The following PCDH7 variants were observed in gnomAD, a reference collection of about 807,000 sequenced individuals.
PCDH7 encodes the protein protocadherin 7.
Under a neutral mutation model 58.9 loss-of-function variants are expected in PCDH7, and 17 were observed. The observed-to-expected ratio is 0.29, with a 90% CI of 0.20 to 0.43. The LOEUF (loss-of-function observed/expected upper bound fraction) is 0.43. Ranked by LOEUF, PCDH7 falls within the 20% of genes least tolerant of loss-of-function variation. The pLI is 1.00. For synonymous variants in PCDH7, 664 were observed against 616.4 expected (o/e 1.08, Z -1.14); for missense variants, 1,274 against 1,441.0 (o/e 0.88, Z 1.88).
intron 3 of PCDH7, among the ~76,000 whole-genome samples, chr4:30,978,085 T>C (rs1338941308): frequency 6.6e-6 from 1 of 152,218 alleles, no homozygotes; most frequent in Non-Finnish European, 1.5e-5. Flanking sequence ...GTGAACTAAA[T>C]ATTATATGTA....
At chr4:31,042,199 T>G (rs1028272825) in intron 3 of PCDH7, among the ~76,000 whole-genome samples, 5 of 152,178 alleles carry the variant, frequency 3.3e-5, no homozygotes, top group African/African-American at 1.2e-4. Context: ...TTTGATTGAT[T>G]GTCATTTTCT....
At chr4:30,986,868 C>A (rs1751015279) in intron 3 of PCDH7, among the ~76,000 whole-genome samples, 1 of 151,810 alleles carries the variant, frequency 6.6e-6, no homozygotes, top group Admixed American at 6.6e-5. Context: ...GTAGTCCCAG[C>A]TACTCAGGAG....
chr4:30,934,910 T>A (rs4337695), intron 2 of PCDH7, among the ~76,000 whole-genome samples: 105,505 of 151,836 alleles, frequency 0.69, 36,686 homozygotes, highest in East Asian at 0.78. Context: ...AATTCATGTA[T>A]TATCTCCTTC....
chr4:31,124,255 T>C (rs1718028998), intron 3 of PCDH7, among the ~76,000 whole-genome samples: 1 of 152,216 alleles, frequency 6.6e-6, no homozygotes, highest in Non-Finnish European at 1.5e-5. Flanking sequence ...TAGGTGCTTC[T>C]ATGTGTATAC....
intron 3 of PCDH7, among the ~76,000 whole-genome samples, chr4:31,112,400 T>A (rs1424297730): frequency 2.0e-5 from 3 of 152,214 alleles, no homozygotes; most frequent in Non-Finnish European, 4.4e-5. Context: ...ATGTAATGAT[T>A]TACATTTTCA....
At chr4:30,992,536 T>C (rs758116704) in intron 3 of PCDH7, among the ~76,000 whole-genome samples, 18 of 152,192 alleles carry the variant, frequency 1.2e-4, no homozygotes, top group Non-Finnish European at 2.1e-4. Context: ...ACTTTTGCTA[T>C]TGTCAAGCCA....
chr4:31,064,210 T>C (rs1757907490), intron 3 of PCDH7, among the ~76,000 whole-genome samples: 1 of 152,024 alleles, frequency 6.6e-6, no homozygotes, highest in Admixed American at 6.6e-5. Context: ...TTTTCTATTA[T>C]TTCATTGCAA....
intron 1 of PCDH7, chr4:30,725,019 A>T: frequency 9.9e-7 from 1 of 1,009,144 alleles, no homozygotes; most frequent in Non-Finnish European, 1.2e-6. Context: ...ACTGGTGTCT[A>T]TGCAAATTGG....
intron 3 of PCDH7, among the ~76,000 whole-genome samples, chr4:31,064,328 T>C (rs1204878247): frequency 1.3e-5 from 2 of 152,130 alleles, no homozygotes; most frequent in Non-Finnish European, 2.9e-5. Flanking sequence ...TTGGCCCATG[T>C]CCATGCGTTG....
chr4:31,043,776 A>C (rs1023691029), intron 3 of PCDH7, among the ~76,000 whole-genome samples: 1 of 152,202 alleles, frequency 6.6e-6, no homozygotes, highest in African/African-American at 2.4e-5. Context: ...TTACTCTGAT[A>C]ATAGTTTCTT....
chr4:30,830,268 C>T (rs1184087021), intron 1 of PCDH7, among the ~76,000 whole-genome samples: 1 of 151,926 alleles, frequency 6.6e-6, no homozygotes, highest in Non-Finnish European at 1.5e-5. Context: ...TTAATGTATG[C>T]AAGAACCAAA....
chr4:31,105,420 T>G (rs1298758784), intron 3 of PCDH7, among the ~76,000 whole-genome samples: 1 of 152,132 alleles, frequency 6.6e-6, no homozygotes, highest in African/African-American at 2.4e-5. Flanking sequence ...GAGTACCTTC[T>G]AGAAACCACA....
intron 1 of PCDH7, among the ~76,000 whole-genome samples, chr4:30,825,259 G>A (rs1334318428): frequency 6.6e-6 from 1 of 152,076 alleles, no homozygotes; most frequent in African/African-American, 2.4e-5. Flanking sequence ...CCACTTTTCA[G>A]TGTTAACTTT....
At chr4:30,747,939 G>A (rs1045502892) in intron 1 of PCDH7, among the ~76,000 whole-genome samples, 1 of 152,150 alleles carries the variant, frequency 6.6e-6, no homozygotes, top group Non-Finnish European at 1.5e-5. Flanking sequence ...TTACTGAATA[G>A]ATACTTTATT....
chr4:30,833,869 G>C (rs983126333), intron 1 of PCDH7, among the ~76,000 whole-genome samples: 17 of 152,170 alleles, frequency 1.1e-4, no homozygotes, highest in Non-Finnish European at 2.2e-4. Flanking sequence ...ATGACGGAAA[G>C]AACATTCTGA....
intron 1 of PCDH7, among the ~76,000 whole-genome samples, chr4:30,889,776 C>G (rs1035183662): frequency 3.3e-5 from 5 of 152,144 alleles, no homozygotes; most frequent in African/African-American, 1.2e-4. Context: ...TCCTCGTGAC[C>G]TAATCATCTC....
At chr4:30,868,340 A>T (rs1192085575) in intron 1 of PCDH7, among the ~76,000 whole-genome samples, 6 of 152,078 alleles carry the variant, frequency 3.9e-5, no homozygotes, top group Admixed American at 3.3e-4. Context: ...GGTACAGCTG[A>T]AATTCAAGTG....
chr4:31,066,538 C>A (rs1758110037), intron 3 of PCDH7, among the ~76,000 whole-genome samples: 1 of 151,822 alleles, frequency 6.6e-6, no homozygotes, highest in Non-Finnish European at 1.5e-5. Flanking sequence ...CCTCACTGAC[C>A]AAAGCCACAT....
At chr4:30,938,902 A>C (rs1048706041) in intron 2 of PCDH7, among the ~76,000 whole-genome samples, 3 of 152,120 alleles carry the variant, frequency 2.0e-5, no homozygotes, top group African/African-American at 7.2e-5. Context: ...ATTGCCTTCT[A>C]ATGCCTTTTT....
Sources: allele counts gnomAD v4.1 joint callset (sites outside exome capture counted in the v4.1 genomes callset), GRCh38; gene constraint gnomAD v4.1.1; transcripts MANE v1.5; gene names NCBI Gene and HGNC (gene_info 2026-07-23, HGNC 2026-07-21).